The following EBI3 variants were observed in gnomAD, a reference collection of about 807,000 sequenced individuals.
EBI3 encodes the protein interleukin-27 subunit beta.
EBI3 carries 19 observed loss-of-function variants against 21.3 expected under a neutral mutation model. The observed-to-expected ratio is 0.89, with a 90% CI of 0.62 to 1.31. EBI3 has a LOEUF of 1.31. Ranked by LOEUF, EBI3 falls within the 50% of genes most tolerant of loss-of-function variation. The pLI is 0.00. For missense variants in EBI3, 331 were observed against 314.0 expected, an observed-to-expected ratio of 1.05 and a Z score of -0.41; for synonymous variants, 154 against 131.2, an observed-to-expected ratio of 1.17 and a Z score of -1.19.
rs375031934 is a variant in EBI3 at position 4,229,723 on chromosome 19, A to G, written c.67+106A>G. On this transcript the variant is annotated intron_variant, in intron 1 of 4. Coordinates refer to ENST00000221847, the MANE Select transcript of EBI3 (RefSeq NM_005755.3). ...GGGAAATCACATCCTCCCGTGCCCA[A>G]TGGTGGGATGGGGTTACCCTCCCAT... 1.8e-4 allele frequency: 214 copies of G among 1,183,906 alleles called. 1 individual carries two copies. The highest frequency in any genetic ancestry group is 9.9e-4 in the Middle Eastern group (5 of 5,028). The allele number at this position is 1,183,906 out of a possible 1,614,324, so 73.3% of individuals were successfully genotyped here.
In EBI3 at chr19:4,229,633, G is replaced by A. The variant is rs546420086; in HGVS notation, c.67+16G>A. On this transcript the variant is annotated intron_variant, in intron 1 of 4. Coordinates refer to ENST00000221847, the MANE Select transcript of EBI3 (RefSeq NM_005755.3). ...GGAAGGAAAGGTATGTGGGGCCCCT[G>A]GGGGACTGGGGGGCCCAGGCAGACG... 1 of 1,595,988 alleles carries A rather than the reference G, an allele frequency of 6.3e-7. No homozygotes were observed. Among genetic ancestry groups the A allele is most frequent in the Non-Finnish European group, 8.5e-7 (1 of 1,171,772 alleles).
At position 4,236,947 on chromosome 19, in the gene EBI3, T is replaced by C; in HGVS notation, c.549T>C (p.Ile183=). 1.3e-6 allele frequency: 2 copies of C among 1,505,028 alleles called. No homozygotes were observed. The highest frequency in any genetic ancestry group is 1.8e-6 in the Non-Finnish European group (2 of 1,122,860). 93.2% of individuals were successfully genotyped at this position (1,505,028 alleles called of 1,614,324 possible). Residue 183 remains isoleucine (I), a synonymous_variant, in exon 5 of 5, where the codon ATT becomes ATC. Coordinates refer to ENST00000221847, the MANE Select transcript of EBI3 (RefSeq NM_005755.3). ...GAARFHRVGP[I]EATSFILRAV... is the part of the protein sequence containing the mutation. ...CTCTCTTCTCTCAGGTGGGGCCCAT[T>C]GAAGCCACGTCCTTCATCCTCAGGG...
At chr19:4,232,612 C>G (rs181783378) in intron 2 of EBI3, among the ~76,000 whole-genome samples, 3 of 150,920 alleles carry the variant, frequency 2.0e-5, no homozygotes, top group Admixed American at 2.0e-4. Context: ...TAGTCCCAAC[C>G]GCTCTGGAGG....
chr19:4,236,201 A>G (rs1970835405), intron 4 of EBI3, among the ~76,000 whole-genome samples: 1 of 152,056 alleles, frequency 6.6e-6, no homozygotes, highest in Non-Finnish European at 1.5e-5. Flanking sequence ...TAAAAATACA[A>G]AAATTAGCCG....
At chr19:4,232,079 G>T (rs1191530821) in intron 2 of EBI3, among the ~76,000 whole-genome samples, 1 of 151,726 alleles carries the variant, frequency 6.6e-6, no homozygotes, top group African/African-American at 2.4e-5. Context: ...GCAAAAATTT[G>T]CCAGGTGTGA....
chr19:4,236,464 T>G (rs912877925), intron 4 of EBI3, among the ~76,000 whole-genome samples: 1 of 120,058 alleles, frequency 8.3e-6, no homozygotes, highest in Non-Finnish European at 1.6e-5. Context: ...GAGGTTGCAG[T>G]AAGCCAAGAT....
At chr19:4,232,222 CAAAAAAAAA>C (rs71166979) in intron 2 of EBI3, among the ~76,000 whole-genome samples, 3 of 57,818 alleles carry the variant, frequency 5.2e-5, no homozygotes, top group African/African-American at 9.0e-5. Context: ...GACCCCGTCT[CAAAAAAAAA>C]AAAAAAAAAA....
intron 1 of EBI3, among the ~76,000 whole-genome samples, chr19:4,230,924 T>C (rs78749916): frequency 0.056 from 8,505 of 151,910 alleles, 804 homozygotes; most frequent in African/African-American, 0.19. Context: ...AAAATCTCTC[T>C]CTCTTACCCG....
intron 2 of EBI3, among the ~76,000 whole-genome samples, chr19:4,232,547 C>T (rs1056306613): frequency 6.6e-6 from 1 of 150,644 alleles, no homozygotes; most frequent in South Asian, 2.1e-4. Context: ...CTGAGACCCC[C>T]CCCCATCTGT....
Position 4,237,122 on chromosome 19 carries a change from G to T in EBI3, c.*34G>T, listed in dbSNP as rs1599490123. 10 of 1,441,944 alleles carry T rather than the reference G, an allele frequency of 6.9e-6. No individual in the cohort carries two copies. The highest frequency in any genetic ancestry group is 4.4e-5 in the African/African-American group (3 of 68,420). The allele number at this position is 1,441,944 out of a possible 1,614,324, so 89.3% of individuals were successfully genotyped here. A position where few individuals can be genotyped will look rare whatever the true frequency, so the allele number is the denominator to read the frequency against. On this transcript the variant is annotated 3_prime_UTR_variant, in exon 5 of 5. Coordinates refer to ENST00000221847, the MANE Select transcript of EBI3 (RefSeq NM_005755.3). ...TCCCGCTGCCTCCAGACAGCACCTGGGTCCTCGCCACCCTAAGCCCCGGGA... is the reference window on the plus strand; with the variant it reads ...TCCCGCTGCCTCCAGACAGCACCTGTGTCCTCGCCACCCTAAGCCCCGGGA...
intron 4 of EBI3, 144 bp downstream of exon 4, chr19:4,234,968 C>T: frequency 8.2e-7 from 1 of 1,216,476 alleles, no homozygotes; most frequent in South Asian, 1.5e-5. Context: ...AATCTGATTC[C>T]TAGGCCTCTA....
intron 4 of EBI3, among the ~76,000 whole-genome samples, chr19:4,235,946 T>TA (rs1258105675): frequency 6.6e-6 from 1 of 151,706 alleles, no homozygotes; most frequent in African/African-American, 2.4e-5. Context: ...ATAAATTAAA[T>TA]AAAATAAAAA....
At position 4,236,975 on chromosome 19, in the gene EBI3, G is replaced by A; in HGVS notation, c.577G>A (p.Val193Met). 1 of 1,556,984 alleles carries A rather than the reference G, an allele frequency of 6.4e-7. No homozygotes were observed. The highest frequency in any genetic ancestry group is 1.2e-5 in the South Asian group (1 of 84,224). The change falls in exon 5 of 5, where the codon GTG becomes ATG. Residue 193 changes from valine (V) to methionine (M), a missense_variant. Coordinates refer to ENST00000221847, the MANE Select transcript of EBI3 (RefSeq NM_005755.3). ...AGCCACGTCCTTCATCCTCAGGGCT[G>A]TGCGGCCCCGAGCCAGGTACTACGT... ...IEATSFILRA[V>M]RPRARYYVQV... is the part of the protein sequence containing the mutation.
At position 4,233,167 on chromosome 19, in the gene EBI3, T is replaced by C. The variant is rs1359412390; in HGVS notation, c.239T>C (p.Leu80Pro). 3.1e-6 allele frequency: 5 copies of C among 1,606,756 alleles called. No individual in the cohort carries two copies. In the African/African-American group the frequency reaches 6.7e-5, roughly 21 times the overall value. The change falls in exon 3 of 5, where the codon CTG (leucine) becomes CCG (proline). Residue 80 changes from leucine (L) to proline (P), a missense_variant. By Grantham distance (98) the Leu-to-Pro change is moderately conservative (BLOSUM62 -3). Transcript: ENST00000221847. ...GCCCGGGGCCACAGCTGGCCCTGCC[T>C]GCAGCAGACGCCAACGTCCACCAGC... ...MAARGHSWPC[L>P]QQTPTSTSCT...
chr19:4,237,120 T>C lies in EBI3; in HGVS notation c.*32T>C. 1 of 1,451,506 alleles carries C rather than the reference T, an allele frequency of 6.9e-7. No homozygotes were observed. Among genetic ancestry groups the C allele is most frequent in the Non-Finnish European group, 9.2e-7 (1 of 1,091,944 alleles). The allele number at this position is 1,451,506 out of a possible 1,614,324, so 89.9% of individuals were successfully genotyped here. ...CTTCCCGCTGCCTCCAGACAGCACC[T>C]GGGTCCTCGCCACCCTAAGCCCCGG... On this transcript the variant is annotated 3_prime_UTR_variant, in exon 5 of 5. Coordinates refer to ENST00000221847, the MANE Select transcript of EBI3 (RefSeq NM_005755.3).
chr19:4,230,344 C>T (rs760159767), intron 1 of EBI3, among the ~76,000 whole-genome samples: 18 of 151,914 alleles, frequency 1.2e-4, no homozygotes, highest in Non-Finnish European at 1.9e-4. Flanking sequence ...GCGTGAGGAT[C>T]GTGAGGCCAG....
At chr19:4,234,344 AG>A (rs1469415864) in intron 3 of EBI3, among the ~76,000 whole-genome samples, 1 of 152,160 alleles carries the variant, frequency 6.6e-6, no homozygotes, top group Admixed American at 6.6e-5. Context: ...CCATGAGGAC[AG>A]GGGTAGGTCA....
At chr19:4,234,643 C>T in intron 3 of EBI3, 24 bp from the exon 4 acceptor site, 2 of 1,606,150 alleles carry the variant, frequency 1.2e-6, no homozygotes, top group Non-Finnish European at 1.7e-6. Flanking sequence ...TGTCCCCTGA[C>T]CCTGCTTCCT....
At chr19:4,234,553 A>G (rs1970819022) in intron 3 of EBI3, 114 bp from the exon 4 acceptor site, 2 of 1,476,716 alleles carry the variant, frequency 1.4e-6, no homozygotes, top group East Asian at 2.3e-5. Context: ...ACAGAGTGAG[A>G]CTCCGTTTCA....
Sources: gnomAD v4.1 joint callset for allele counts (sites outside exome capture counted in the v4.1 genomes callset) on GRCh38, gnomAD v4.1.1 for gene constraint, MANE v1.5 for transcripts, NCBI Gene and HGNC (gene_info 2026-07-23, HGNC 2026-07-21) for gene names.